ADAMTSL1: variants seen among roughly 807,000 people sequenced by gnomAD.
ADAMTSL1 encodes ADAMTS like 1.
In ADAMTSL1, 126 loss-of-function variants were observed where a neutral mutation model predicts 201.8. That is an observed-to-expected ratio of 0.62 (90% CI 0.54 to 0.72). ADAMTSL1 has a LOEUF of 0.72. Among genes scored for constraint, ADAMTSL1 ranks in the 30% least tolerant of loss-of-function variants. The pLI, the probability that ADAMTSL1 is intolerant of heterozygous loss-of-function variation, is 0.00. For missense variants in ADAMTSL1, 2,679 were observed against 2,277.8 expected (o/e 1.18, Z -3.59); for synonymous variants, 1,121 against 903.4 (o/e 1.24, Z -4.32).
intron 7 of ADAMTSL1, among the ~76,000 whole-genome samples, chr9:18,652,674 G>C (rs1382375126): frequency 6.6e-6 from 1 of 152,160 alleles, no homozygotes; most frequent in Non-Finnish European, 1.5e-5. Flanking sequence ...ATTTAAGGTA[G>C]GTGTGGGGAA....
At chr9:17,981,941 C>T (rs894155802) in intron 1 of ADAMTSL1, among the ~76,000 whole-genome samples, 2 of 152,176 alleles carry the variant, frequency 1.3e-5, no homozygotes, top group Non-Finnish European at 2.9e-5. Context: ...GCCTTGACTT[C>T]TGCAAGGTCA....
intron 2 of ADAMTSL1, among the ~76,000 whole-genome samples, chr9:18,375,618 G>A (rs1837255729): frequency 6.6e-6 from 1 of 152,170 alleles, no homozygotes; most frequent in Admixed American, 6.5e-5. Context: ...CTGACTTCAG[G>A]AATGAAGCCG....
intron 1 of ADAMTSL1, among the ~76,000 whole-genome samples, chr9:18,480,081 C>G (rs1821646600): frequency 6.6e-6 from 1 of 151,980 alleles, no homozygotes. Context: ...AATATTTTTC[C>G]TTTTTCAAAA....
At position 17,991,795 on chromosome 9, in the gene ADAMTSL1, C is replaced by T. The variant is rs919539431; in HGVS notation, c.87+84873C>T. Among the ~76,000 whole-genome samples the T allele has an allele frequency of 2.6e-5, 4 of 152,136 alleles. No homozygotes were observed. In the South Asian group the frequency reaches 8.3e-4, roughly 32 times the overall value. ...GCATCCTTAACTTTCATGTAACTTC[C>T]TCGATTATGCTAGAAGTAGTCTAAG... is the stretch of plus-strand genomic sequence containing the variant. On this transcript the variant is annotated intron_variant, in intron 1 of 29. Transcript: ENST00000680146.
chr9:18,860,799 C>A (rs879850822), intron 23 of ADAMTSL1, among the ~76,000 whole-genome samples: 1 of 152,072 alleles, frequency 6.6e-6, no homozygotes, highest in African/African-American at 2.4e-5. Flanking sequence ...AGAGCAAACT[C>A]TAATGAAATG....
At chr9:18,574,801 A>T (rs1311883528) in intron 4 of ADAMTSL1, among the ~76,000 whole-genome samples, 3 of 152,198 alleles carry the variant, frequency 2.0e-5, no homozygotes, top group Non-Finnish European at 4.4e-5. Context: ...AAGCCAGTTA[A>T]ATCTTTAAAA....
chr9:18,150,206 GT>G (rs1438469141), intron 1 of ADAMTSL1, among the ~76,000 whole-genome samples: 3 of 152,006 alleles, frequency 2.0e-5, no homozygotes, highest in Non-Finnish European at 4.4e-5. Flanking sequence ...GGAATAATTG[GT>G]AGAATAAGAT....
At chr9:18,032,650 G>A (rs1486884569) in intron 1 of ADAMTSL1, among the ~76,000 whole-genome samples, 3 of 152,194 alleles carry the variant, frequency 2.0e-5, no homozygotes, top group Non-Finnish European at 2.9e-5. Flanking sequence ...TTGTGGTTCC[G>A]TTTTGCTGTA....
intron 1 of ADAMTSL1, among the ~76,000 whole-genome samples, chr9:17,943,578 T>C (rs74730434): frequency 0.011 from 1,671 of 152,266 alleles, 28 homozygotes; most frequent in African/African-American, 0.039. Flanking sequence ...CTACATGGTA[T>C]GAATAGCTTA....
intron 3 of ADAMTSL1, among the ~76,000 whole-genome samples, chr9:18,543,457 T>A (rs757278683): frequency 6.6e-6 from 1 of 152,198 alleles, no homozygotes; most frequent in Non-Finnish European, 1.5e-5. Flanking sequence ...ATCCACCCTG[T>A]GATAACATCA....
chr9:18,356,403 C>G (rs778048612), intron 2 of ADAMTSL1, among the ~76,000 whole-genome samples: 35 of 152,102 alleles, frequency 2.3e-4, no homozygotes, highest in Middle Eastern at 6.8e-3. Context: ...TGGCACAGGC[C>G]TATAGTCCTC....
At chr9:18,624,179 CA>C (rs113231506) in intron 5 of ADAMTSL1, among the ~76,000 whole-genome samples, 6 of 151,044 alleles carry the variant, frequency 4.0e-5, no homozygotes, top group African/African-American at 9.7e-5. Flanking sequence ...TGTAATTCTG[CA>C]AAAAAAATAA....
intron 20 of ADAMTSL1, among the ~76,000 whole-genome samples, chr9:18,809,908 G>A (rs967518732): frequency 2.6e-5 from 4 of 152,188 alleles, no homozygotes; most frequent in African/African-American, 7.2e-5. Context: ...GCAAGATCAC[G>A]CTGGCTGCCA....
chr9:18,391,282 C>A (rs1018166764), intron 2 of ADAMTSL1, among the ~76,000 whole-genome samples: 4 of 152,052 alleles, frequency 2.6e-5, no homozygotes, highest in Admixed American at 2.0e-4. Flanking sequence ...GAAGCCTTTT[C>A]AGTATAATTG....
Position 17,968,965 on chromosome 9 carries a change from G to A in ADAMTSL1, c.87+62043G>A, listed in dbSNP as rs16936163. Among the ~76,000 whole-genome samples, 92 of 152,070 alleles carry A rather than the reference G, an allele frequency of 6.0e-4. 1 individual carries two copies. The South Asian group carries it at 0.018, about 30-fold the overall frequency. On this transcript the variant is annotated intron_variant, in intron 1 of 29. Transcript: ENST00000680146. The stretch of plus-strand genomic sequence containing the variant: ...CCCAGAAGATATTTCCAATGTGCTC[G>A]TCTAGGGTCTTTCTTTGAGGCCCCT...
At chr9:17,938,370 C>G (rs1483820932) in intron 1 of ADAMTSL1, among the ~76,000 whole-genome samples, 1 of 152,090 alleles carries the variant, frequency 6.6e-6, no homozygotes, top group Admixed American at 6.6e-5. Flanking sequence ...GGTTTTACCT[C>G]AGTCTTTGTG....
intron 4 of ADAMTSL1, among the ~76,000 whole-genome samples, chr9:18,610,201 G>A (rs1364913009): frequency 1.3e-5 from 2 of 152,076 alleles, no homozygotes; most frequent in African/African-American, 2.4e-5. Flanking sequence ...GTAGAACTGG[G>A]GGTCATGTCA....
chr9:18,241,080 T>A (rs1007239578), intron 2 of ADAMTSL1, among the ~76,000 whole-genome samples: 3 of 152,196 alleles, frequency 2.0e-5, no homozygotes, highest in Admixed American at 6.5e-5. Flanking sequence ...ATTCCTGTGT[T>A]CACTGGAGTA....
At chr9:18,732,682 A>T (rs1818281940) in intron 15 of ADAMTSL1, among the ~76,000 whole-genome samples, 1 of 152,166 alleles carries the variant, frequency 6.6e-6, no homozygotes, top group Non-Finnish European at 1.5e-5. Flanking sequence ...GTGGGAGGGA[A>T]GAAGAAGAAA....
Sources: gnomAD v4.1 joint callset for allele counts (sites outside exome capture counted in the v4.1 genomes callset) on GRCh38, gnomAD v4.1.1 for gene constraint, MANE v1.5 for transcripts, NCBI Gene and HGNC (gene_info 2026-07-23, HGNC 2026-07-21) for gene names.